Variants in GRIK4 observed in about 807,000 individuals in gnomAD.
GRIK4 encodes glutamate ionotropic receptor kainate type subunit 4.
A neutral mutation model predicts 104.9 loss-of-function variants in GRIK4; 40 were observed. That is an observed-to-expected ratio of 0.38 (90% confidence interval 0.30 to 0.50). The LOEUF (loss-of-function observed/expected upper bound fraction) is 0.50. Ranked by LOEUF, GRIK4 falls within the 20% of genes least tolerant of loss-of-function variation. The pLI, the probability that GRIK4 is intolerant of heterozygous loss-of-function variation, is 0.93. For synonymous variants in GRIK4, 485 were observed against 524.9 expected (o/e 0.92, Z 1.04); for missense variants, 1,047 against 1,308.1 (o/e 0.80, Z 3.08).
intron 3 of GRIK4, among the ~76,000 whole-genome samples, chr11:120,680,158 A>G (rs756171984): frequency 6.6e-6 from 1 of 152,084 alleles, no homozygotes; most frequent in African/African-American, 2.4e-5. Context: ...GCTCATTGCA[A>G]CTGCCACCTC....
chr11:120,633,013 A>T lies in GRIK4; in HGVS notation c.-158-20672A>T, dbSNP rs114245924. On this transcript the variant is annotated intron_variant, in intron 1 of 20. Transcript: ENST00000527524. Reference sequence around the variant, plus strand: ...ACAGATGAGGAAACTTAGAAGGCACATGGTTCACCCAGGCACACAAACAGA... The same window carrying T: ...ACAGATGAGGAAACTTAGAAGGCACTTGGTTCACCCAGGCACACAAACAGA... Among the ~76,000 whole-genome samples, 11 of 152,172 alleles carry T rather than the reference A, an allele frequency of 7.2e-5. No homozygotes were observed. The East Asian group carries it at 2.1e-3, about 29-fold the overall frequency.
intron 1 of GRIK4, among the ~76,000 whole-genome samples, chr11:120,562,400 T>C (rs1948249937): frequency 6.6e-6 from 1 of 152,072 alleles, no homozygotes; most frequent in Non-Finnish European, 1.5e-5. Flanking sequence ...GTAAGTGTAT[T>C]TGGGAGGCTA....
At chr11:120,925,172 G>A (rs1272485830) in intron 13 of GRIK4, among the ~76,000 whole-genome samples, 1 of 152,168 alleles carries the variant, frequency 6.6e-6, no homozygotes, top group African/African-American at 2.4e-5. Flanking sequence ...ATGGCTGTGG[G>A]CGATGCCCAC....
At chr11:120,733,664 G>A (rs1951177032) in intron 3 of GRIK4, among the ~76,000 whole-genome samples, 1 of 150,604 alleles carries the variant, frequency 6.6e-6, no homozygotes, top group African/African-American at 2.4e-5. Flanking sequence ...TTCTCTTTAT[G>A]TCATATTGTA....
chr11:120,953,010 C>T lies in GRIK4; in HGVS notation c.1700+46C>T, dbSNP rs374586329. The T allele has an allele frequency of 1.9e-5, 24 of 1,280,742 alleles. No homozygotes were observed. The African/African-American group carries it at 2.8e-4, about 15-fold the overall frequency. The allele number at this position is 1,280,742 out of a possible 1,614,324, so 79.3% of individuals were successfully genotyped here. A position where few individuals can be genotyped will look rare whatever the true frequency, so the allele number is the denominator to read the frequency against. ...CTGTCCTTACACCGCCACCTCGTGT[C>T]CACCTCTGGGAACTGCATGGGGAGG... On this transcript the variant is annotated intron_variant, in intron 15 of 20. Transcript: ENST00000527524. The surrounding 1 kb of genome is among the most constrained non-coding windows in gnomAD (Gnocchi z 4.9).
chr11:120,739,133 C>T (rs549271391), intron 3 of GRIK4, among the ~76,000 whole-genome samples: 5 of 152,248 alleles, frequency 3.3e-5, no homozygotes, highest in South Asian at 4.2e-4. Context: ...AAGGCTCAAT[C>T]CCCCCTCCTG....
intron 1 of GRIK4, among the ~76,000 whole-genome samples, chr11:120,512,093 C>T (rs949048907): frequency 2.0e-5 from 3 of 149,608 alleles, no homozygotes; most frequent in African/African-American, 7.3e-5. Context: ...CAGCCCGGTC[C>T]CTGGCACTTC....
chr11:120,515,979 A>G (rs915513144), intron 1 of GRIK4, among the ~76,000 whole-genome samples: 1 of 151,792 alleles, frequency 6.6e-6, no homozygotes, highest in African/African-American at 2.4e-5. Context: ...GAGGTCACAC[A>G]CTCTGTCCCA....
intron 3 of GRIK4, among the ~76,000 whole-genome samples, chr11:120,783,134 C>A (rs377368730): frequency 3.3e-5 from 5 of 152,252 alleles, no homozygotes; most frequent in African/African-American, 7.2e-5. Flanking sequence ...GCAGCCCCCC[C>A]ACAGAGAATT....
chr11:120,801,932 G>T (rs999803417), intron 3 of GRIK4, among the ~76,000 whole-genome samples: 7 of 152,198 alleles, frequency 4.6e-5, no homozygotes, highest in African/African-American at 1.7e-4. Flanking sequence ...GAAGCCAGTT[G>T]TCTGTGATAC....
At chr11:120,745,968 A>C (rs1487061835) in intron 3 of GRIK4, among the ~76,000 whole-genome samples, 2 of 152,166 alleles carry the variant, frequency 1.3e-5, no homozygotes, top group Non-Finnish European at 1.5e-5. Context: ...CCAACCCAGC[A>C]TTGTGATTCC....
chr11:120,889,847 G>A (rs1010236468), intron 11 of GRIK4, among the ~76,000 whole-genome samples: 11 of 152,084 alleles, frequency 7.2e-5, no homozygotes, highest in South Asian at 2.1e-4. Context: ...CAGGTAATCC[G>A]CCTGCCTTGG....
At chr11:120,697,790 G>A (rs1950478000) in intron 3 of GRIK4, among the ~76,000 whole-genome samples, 1 of 152,182 alleles carries the variant, frequency 6.6e-6, no homozygotes, top group African/African-American at 2.4e-5. Context: ...GGGACGGTGT[G>A]GAGAGTTGGG....
intron 3 of GRIK4, among the ~76,000 whole-genome samples, chr11:120,727,283 G>A (rs1951046944): frequency 6.6e-6 from 1 of 152,140 alleles, no homozygotes; most frequent in Non-Finnish European, 1.5e-5. Context: ...CACTGGGAAT[G>A]GAATAGAAAT....
At chr11:120,745,029 A>G (rs991364780) in intron 3 of GRIK4, among the ~76,000 whole-genome samples, 5 of 152,176 alleles carry the variant, frequency 3.3e-5, no homozygotes, top group African/African-American at 1.2e-4. Flanking sequence ...TTTGTTCTGA[A>G]CCTGATGGGA....
chr11:120,855,821 G>A (rs143946559), intron 8 of GRIK4, among the ~76,000 whole-genome samples: 1 of 152,196 alleles, frequency 6.6e-6, no homozygotes, highest in African/African-American at 2.4e-5. Flanking sequence ...CCTTGGCCTC[G>A]CAAAATGCTG....
chr11:120,746,566 G>A (rs1951442083), intron 3 of GRIK4, among the ~76,000 whole-genome samples: 1 of 152,136 alleles, frequency 6.6e-6, no homozygotes, highest in African/African-American at 2.4e-5. Flanking sequence ...AATGTGGAGT[G>A]GTAACATAAA....
chr11:120,600,539 A>T (rs901175672), intron 1 of GRIK4, among the ~76,000 whole-genome samples: 1 of 152,048 alleles, frequency 6.6e-6, no homozygotes, highest in Non-Finnish European at 1.5e-5. Context: ...CTGAGGAGGG[A>T]TGCTGGTCTT....
intron 13 of GRIK4, among the ~76,000 whole-genome samples, chr11:120,938,090 CTT>C (rs781545849): frequency 2.0e-5 from 3 of 152,080 alleles, no homozygotes; most frequent in Admixed American, 2.0e-4. Flanking sequence ...CCATTTAACT[CTT>C]GTTTCCTCCC....
Sources: allele counts gnomAD v4.1 joint callset (sites outside exome capture counted in the v4.1 genomes callset), GRCh38; gene constraint gnomAD v4.1.1; non-coding constraint Gnocchi (gnomAD v3.1); transcripts MANE v1.5; gene names NCBI Gene and HGNC (gene_info 2026-07-23, HGNC 2026-07-21).